The following CFAP91 variants were observed in gnomAD, a reference collection of about 807,000 sequenced individuals.
CFAP91 encodes cilia and flagella associated protein 91.
In CFAP91, 85 loss-of-function variants were observed where a neutral mutation model predicts 95.9. That is an observed-to-expected ratio of 0.89 (90% confidence interval 0.74 to 1.06). CFAP91 has a LOEUF of 1.06. Among genes scored for constraint, CFAP91 ranks in the 50% least tolerant of loss-of-function variants. The probability of loss-of-function intolerance (pLI) is 0.00; values close to 1 mark genes in which losing one functional copy is unlikely to be tolerated. For missense variants in CFAP91, 962 were observed against 943.4 expected (o/e 1.02, Z -0.26); for synonymous variants, 335 against 327.5 (o/e 1.02, Z -0.25).
Position 119,743,909 on chromosome 3 carries a change from A to C in CFAP91, c.1681-66A>C, listed in dbSNP as rs184017796. ...TGCCAAGAGTTTTGAGTAATCCAGC[A>C]CTTCTTCTAATAATCACCACTCATA... On this transcript the variant is annotated intron_variant, in intron 13 of 17. Transcript: ENST00000273390. 6 of 1,375,586 alleles carry C rather than the reference A, an allele frequency of 4.4e-6. No homozygotes were observed. In the East Asian group the frequency reaches 1.4e-4, roughly 32 times the overall value. 85.2% of individuals were successfully genotyped at this position (1,375,586 alleles called of 1,614,324 possible).
At chr3:119,743,827 C>A in intron 13 of CFAP91, 148 bp from the exon 14 acceptor site, 2 of 690,650 alleles carry the variant, frequency 2.9e-6, no homozygotes, top group Non-Finnish European at 4.5e-6. Context: ...TGGGTTGGAG[C>A]CAATTGAGAG....
At chr3:119,717,676 C>T (rs1240199292) in intron 6 of CFAP91, among the ~76,000 whole-genome samples, 1 of 151,856 alleles carries the variant, frequency 6.6e-6, no homozygotes, top group South Asian at 2.1e-4. Context: ...CTGCTGTGGC[C>T]TGCCCTTTTC....
At chr3:119,739,424 C>T (rs1217649449) in intron 12 of CFAP91, 98 bp downstream of exon 12, 4 of 1,044,798 alleles carry the variant, frequency 3.8e-6, no homozygotes, top group Non-Finnish European at 5.9e-6. Flanking sequence ...CCCTTTTGCA[C>T]CCTGCTATCC....
Position 119,703,126 on chromosome 3 carries a change from CCCCAGGCCCAGCCGCAGGTGTCT to C in CFAP91, c.30_52del (p.Gln11AsnfsTer20). ...GAGCCACGCAGTAACCATCGAGGAG[CCCCAGGCCCAGCCGCAGGTGTCT>C]CAAACTCGGTACCGGGAGAGGTCGC... On this transcript the variant is annotated frameshift_variant, in exon 1 of 18. Coordinates refer to ENST00000273390, the MANE Select transcript of CFAP91 (RefSeq NM_033364.4). LOFTEE classifies it high-confidence loss of function. 1 of 1,570,074 alleles carries C rather than the reference CCCCAGGCCCAGCCGCAGGTGTCT, an allele frequency of 6.4e-7. No homozygotes were observed. The highest frequency in any genetic ancestry group is 8.6e-7 in the Non-Finnish European group (1 of 1,156,948).
chr3:119,719,419 A>G (rs927674999), intron 6 of CFAP91, among the ~76,000 whole-genome samples: 16 of 152,172 alleles, frequency 1.1e-4, no homozygotes, highest in African/African-American at 3.9e-4. Flanking sequence ...TGAAAAGTTT[A>G]CATAAAGATA....
intron 6 of CFAP91, 68 bp downstream of exon 6, chr3:119,715,811 G>A (rs2053564248): frequency 1.4e-6 from 2 of 1,417,336 alleles, no homozygotes; most frequent in Admixed American, 3.4e-5. Context: ...TGTTCAAATG[G>A]CCCATGTACA....
At position 119,751,092 on chromosome 3, in the gene CFAP91, A is replaced by G; in HGVS notation, c.2299A>G (p.Ser767Gly). The G allele has an allele frequency of 6.3e-7, 1 of 1,594,034 alleles. No homozygotes were observed. Among genetic ancestry groups the G allele is most frequent in the Non-Finnish European group, 8.5e-7 (1 of 1,172,240 alleles). ...LEKETQNENN[S>G] ...GAAAGAAACTCAAAATGAGAACAACAGCTAAGGTGAGTTTGATTTTCCACC... is the reference window on the plus strand; with the variant it reads ...GAAAGAAACTCAAAATGAGAACAACGGCTAAGGTGAGTTTGATTTTCCACC... The change falls in exon 17 of 18, where the codon AGC becomes GGC. Residue 767 changes from serine to glycine, a missense_variant. Ser to Gly is a moderately conservative substitution (Grantham distance 56). Coordinates refer to ENST00000273390, the MANE Select transcript of CFAP91 (RefSeq NM_033364.4).
At chr3:119,713,481 C>A (rs1309135369) in intron 5 of CFAP91, among the ~76,000 whole-genome samples, 1 of 151,124 alleles carries the variant, frequency 6.6e-6, no homozygotes, top group African/African-American at 2.4e-5. Flanking sequence ...AAGCTCTTAC[C>A]ATTGCCTCTG....
chr3:119,738,332 CT>C (rs556125660), intron 11 of CFAP91, among the ~76,000 whole-genome samples: 36 of 23,062 alleles, frequency 1.6e-3, no homozygotes, highest in East Asian at 4.0e-3. Context: ...GACATATTGT[CT>C]TTTTTTTTTT....
At chr3:119,724,267 A>G (rs990516890) in intron 6 of CFAP91, among the ~76,000 whole-genome samples, 4 of 152,134 alleles carry the variant, frequency 2.6e-5, no homozygotes, top group Admixed American at 6.5e-5. Context: ...TGTATATAAA[A>G]TGTTAAGATT....
chr3:119,752,628 C>A (rs917144993), intron 17 of CFAP91, among the ~76,000 whole-genome samples: 1 of 152,042 alleles, frequency 6.6e-6, no homozygotes, highest in African/African-American at 2.4e-5. Flanking sequence ...TTCTGACATG[C>A]AAATTTAATA....
chr3:119,744,337 T>C (rs2054182441), intron 14 of CFAP91, 141 bp downstream of exon 14: 1 of 633,562 alleles, frequency 1.6e-6, no homozygotes, highest in African/African-American at 1.8e-5. Flanking sequence ...ACAGAGGCAC[T>C]GTGGGAAACT....
intron 10 of CFAP91, among the ~76,000 whole-genome samples, chr3:119,736,199 A>C (rs1200297711): frequency 6.6e-6 from 1 of 151,760 alleles, no homozygotes; most frequent in Non-Finnish European, 1.5e-5. Context: ...CCCCATGCCT[A>C]ATAGTGCTCA....
At chr3:119,728,317 T>C (rs1040895142) in intron 7 of CFAP91, among the ~76,000 whole-genome samples, 1 of 152,110 alleles carries the variant, frequency 6.6e-6, no homozygotes, top group Non-Finnish European at 1.5e-5. Context: ...AGCAATGAGG[T>C]GATCAGGCCC....
At chr3:119,704,979 C>T (rs1052132163) in intron 1 of CFAP91, among the ~76,000 whole-genome samples, 1 of 152,100 alleles carries the variant, frequency 6.6e-6, no homozygotes, top group African/African-American at 2.4e-5. Flanking sequence ...TAGGCTATAC[C>T]AGCTAGGTTT....
chr3:119,761,769 A>T (rs2054542141), intron 17 of CFAP91, among the ~76,000 whole-genome samples: 1 of 151,928 alleles, frequency 6.6e-6, no homozygotes, highest in East Asian at 1.9e-4. Context: ...CAGAAAAAAA[A>T]TTTGACAAAT....
At chr3:119,764,708 G>C (rs559988281) in intron 17 of CFAP91, among the ~76,000 whole-genome samples, 89 of 152,232 alleles carry the variant, frequency 5.8e-4, no homozygotes, top group African/African-American at 2.0e-3. Context: ...GCTGTTGCCA[G>C]GCATGGAAAC....
intron 3 of CFAP91, among the ~76,000 whole-genome samples, 171 bp downstream of exon 3, chr3:119,707,732 GATAT>G (rs770594988): frequency 7.0e-6 from 1 of 142,466 alleles, no homozygotes; most frequent in African/African-American, 2.6e-5. Flanking sequence ...GTATATATGA[GATAT>G]ATATATATAT....
At chr3:119,713,728 T>C (rs1210092407) in intron 5 of CFAP91, among the ~76,000 whole-genome samples, 1 of 152,172 alleles carries the variant, frequency 6.6e-6, no homozygotes, top group Non-Finnish European at 1.5e-5. Flanking sequence ...TATTAATTTA[T>C]TGTATATACA....
Sources: gnomAD v4.1 joint callset for allele counts (sites outside exome capture counted in the v4.1 genomes callset) on GRCh38, gnomAD v4.1.1 for gene constraint, MANE v1.5 for transcripts, NCBI Gene and HGNC (gene_info 2026-07-23, HGNC 2026-07-21) for gene names.